Variants in SPRYD4 observed in about 807,000 individuals in gnomAD.
SPRYD4 encodes the protein SPRY domain containing 4.
A neutral mutation model predicts 16.6 loss-of-function variants in SPRYD4; 12 were observed. That is an observed-to-expected ratio of 0.72 (90% confidence interval 0.46 to 1.17). The LOEUF is 1.17. Among genes scored for constraint, SPRYD4 ranks in the 50% most tolerant of loss-of-function variants. SPRYD4 has a pLI of 0.00. For synonymous variants in SPRYD4, 98 were observed against 105.4 expected (o/e 0.93, Z 0.43); for missense variants, 260 against 260.2 (o/e 1.00, Z 0.00).
Position 56,473,777 on chromosome 12 carries a change from T to C in SPRYD4, c.*4200T>C, listed in dbSNP as rs1869527350. The C allele has an allele frequency of 1.5e-6, 1 of 670,284 alleles. No individual in the cohort carries two copies. The highest frequency in any genetic ancestry group is 1.8e-5 in the African/African-American group (1 of 54,620). 41.5% of individuals were successfully genotyped at this position (670,284 alleles called of 1,614,324 possible). A position where few individuals can be genotyped will look rare whatever the true frequency, so the allele number is the denominator to read the frequency against. On this transcript the variant is annotated 3_prime_UTR_variant, in exon 2 of 2. Coordinates refer to ENST00000338146, the MANE Select transcript of SPRYD4 (RefSeq NM_207344.4). ...CCTTTCCTTCCCTTAAATTCATTGA[T>C]TCAGCTAGAAAATATTTTTTGAAAT... is the stretch of plus-strand genomic sequence containing the variant.
chr12:56,472,962 T>C lies in SPRYD4; in HGVS notation c.*3385T>C, dbSNP rs1334810317. ...AAGTGTAGTGGCGCGCGGTCTTGGC[T>C]CACTGCAACCTCTGCCTCCCGGTTT... is the stretch of plus-strand genomic sequence containing the variant. On this transcript the variant is annotated 3_prime_UTR_variant, in exon 2 of 2. Coordinates refer to ENST00000338146, the MANE Select transcript of SPRYD4 (RefSeq NM_207344.4). 1 of 576,454 alleles carries C rather than the reference T, an allele frequency of 1.7e-6. No homozygotes were observed. Among genetic ancestry groups the C allele is most frequent in the Non-Finnish European group, 3.0e-6 (1 of 330,530 alleles). 35.7% of individuals were successfully genotyped at this position (576,454 alleles called of 1,614,324 possible).
In SPRYD4 at chr12:56,472,052, G is replaced by C; in HGVS notation, c.*2475G>C. On this transcript the variant is annotated 3_prime_UTR_variant, in exon 2 of 2. Coordinates refer to ENST00000338146, the MANE Select transcript of SPRYD4 (RefSeq NM_207344.4). ...AACCTTGAGGGCACATATAATGAAG[G>C]TACTTTTGGTGAAAAAGAAAGGGTC... is the stretch of plus-strand genomic sequence containing the variant. 1 of 1,536,252 alleles carries C rather than the reference G, an allele frequency of 6.5e-7. No individual in the cohort carries two copies. The highest frequency in any genetic ancestry group is 9.0e-7 in the Non-Finnish European group (1 of 1,113,538).
rs1279604425 is a variant in SPRYD4, at chr12:56,476,150, CCT to C, written c.*6578_*6579del. 1.4e-5 allele frequency: 8 copies of C among 592,250 alleles called. No individual in the cohort carries two copies. Among genetic ancestry groups the C allele is most frequent in the Non-Finnish European group, 1.8e-5 (6 of 341,112 alleles). 36.7% of individuals were successfully genotyped at this position (592,250 alleles called of 1,614,324 possible). A position where few individuals can be genotyped will look rare whatever the true frequency, so the allele number is the denominator to read the frequency against. On this transcript the variant is annotated 3_prime_UTR_variant, in exon 2 of 2. Coordinates refer to ENST00000338146, the MANE Select transcript of SPRYD4 (RefSeq NM_207344.4). Reference sequence around the variant, plus strand: ...TGAAAACACCGCACTTCCATTGGCTCCTCTCTTTCTCTTTCTTTTTTTTGAGA... The same window carrying C: ...TGAAAACACCGCACTTCCATTGGCTCCTCTTTCTCTTTCTTTTTTTTGAGA...
rs1002486141 is a variant in SPRYD4 at position 56,473,853 on chromosome 12, C to T, written c.*4276C>T. The T allele has an allele frequency of 3.8e-5, 15 of 397,654 alleles. No individual in the cohort carries two copies. Among genetic ancestry groups the T allele is most frequent in the Admixed American group, 8.2e-5 (2 of 24,270 alleles). 24.6% of individuals were successfully genotyped at this position (397,654 alleles called of 1,614,324 possible). On this transcript the variant is annotated 3_prime_UTR_variant, in exon 2 of 2. Coordinates refer to ENST00000338146, the MANE Select transcript of SPRYD4 (RefSeq NM_207344.4). ...TGTGCTAGAACTAGGAACTTCCATT[C>T]TGGTGTTAGGAGATAGGTAATAAAC...
In SPRYD4 at chr12:56,473,710, C is replaced by T; in HGVS notation, c.*4133C>T. The T allele has an allele frequency of 7.6e-7, 1 of 1,313,768 alleles. No homozygotes were observed. Among genetic ancestry groups the T allele is most frequent in the Non-Finnish European group, 1.0e-6 (1 of 983,360 alleles). The allele number at this position is 1,313,768 out of a possible 1,614,324, so 81.4% of individuals were successfully genotyped here. On this transcript the variant is annotated 3_prime_UTR_variant, in exon 2 of 2. Coordinates refer to ENST00000338146, the MANE Select transcript of SPRYD4 (RefSeq NM_207344.4). Reference sequence around the variant, plus strand: ...ATGACTGCATGACCACAATCCACCTCAACCTTTTGGCTTGTTAATTAGCTT... The same window carrying T: ...ATGACTGCATGACCACAATCCACCTTAACCTTTTGGCTTGTTAATTAGCTT...
At position 56,474,606 on chromosome 12, in the gene SPRYD4, T is replaced by C; in HGVS notation, c.*5029T>C. Reference sequence around the variant, plus strand: ...CAGGAATGCATGAGGCTGAGGGTGTTGCGCACTGCTTCAGCACTCAGCACA... The same window carrying C: ...CAGGAATGCATGAGGCTGAGGGTGTCGCGCACTGCTTCAGCACTCAGCACA... On this transcript the variant is annotated 3_prime_UTR_variant, in exon 2 of 2. Coordinates refer to ENST00000338146, the MANE Select transcript of SPRYD4 (RefSeq NM_207344.4). 1 of 1,614,208 alleles carries C rather than the reference T, an allele frequency of 6.2e-7. No individual in the cohort carries two copies. The highest frequency in any genetic ancestry group is 8.5e-7 in the Non-Finnish European group (1 of 1,180,054).
At position 56,471,882 on chromosome 12, in the gene SPRYD4, C is replaced by T; in HGVS notation, c.*2305C>T. ...AAAATGAGAAGGCGCAGGTCTTGAA[C>T]CCTTTGGTGCAGACACTTAGCCACT... is the stretch of plus-strand genomic sequence containing the variant. On this transcript the variant is annotated 3_prime_UTR_variant, in exon 2 of 2. Transcript: ENST00000338146. 1 of 1,588,824 alleles carries T rather than the reference C, an allele frequency of 6.3e-7. No homozygotes were observed. The highest frequency in any genetic ancestry group is 8.6e-7 in the Non-Finnish European group (1 of 1,158,404).
Position 56,475,990 on chromosome 12 carries a change from A to G in SPRYD4, c.*6413A>G. 1 of 1,612,308 alleles carries G rather than the reference A, an allele frequency of 6.2e-7. No homozygotes were observed. Among genetic ancestry groups the G allele is most frequent in the Non-Finnish European group, 8.5e-7 (1 of 1,179,772 alleles). On this transcript the variant is annotated 3_prime_UTR_variant, in exon 2 of 2. Transcript: ENST00000338146. Reference sequence around the variant, plus strand: ...TGTTACAGTCCATCTGCAGAGAAAGAGAGAGATGTCAGCATTCTAAGTGTA... The same window carrying G: ...TGTTACAGTCCATCTGCAGAGAAAGGGAGAGATGTCAGCATTCTAAGTGTA...
chr12:56,474,389 G>A lies in SPRYD4; in HGVS notation c.*4812G>A. 3 of 868,920 alleles carry A rather than the reference G, an allele frequency of 3.5e-6. No homozygotes were observed. The highest frequency in any genetic ancestry group is 5.2e-6 in the Non-Finnish European group (3 of 577,188). The allele number at this position is 868,920 out of a possible 1,614,324, so 53.8% of individuals were successfully genotyped here. ...TATATTCGAGGAACTTGGTGTTTTT[G>A]AGAAACTCGTCTAAGGAGTCTCAAC... On this transcript the variant is annotated 3_prime_UTR_variant, in exon 2 of 2. Coordinates refer to ENST00000338146, the MANE Select transcript of SPRYD4 (RefSeq NM_207344.4).
In SPRYD4 at chr12:56,473,737, T is replaced by C. The variant is rs1869524197; in HGVS notation, c.*4160T>C. The stretch of plus-strand genomic sequence containing the variant: ...ACCTTTTGGCTTGTTAATTAGCTTC[T>C]TTTATTACTCCTGTCCTTTCCTTCC... On this transcript the variant is annotated 3_prime_UTR_variant, in exon 2 of 2. Coordinates refer to ENST00000338146, the MANE Select transcript of SPRYD4 (RefSeq NM_207344.4). 1.0e-6 allele frequency: 1 copy of C among 960,384 alleles called. No homozygotes were observed. The highest frequency in any genetic ancestry group is 1.7e-5 in the African/African-American group (1 of 60,296). The allele number at this position is 960,384 out of a possible 1,614,324, so 59.5% of individuals were successfully genotyped here.
At position 56,473,559 on chromosome 12, in the gene SPRYD4, G is replaced by A. The variant is rs1339256664; in HGVS notation, c.*3982G>A. ...TGACATTGGGTACCACCAGGAGGAT[G>A]GCTCCTGATACAGCTGACTTGGCTG... On this transcript the variant is annotated 3_prime_UTR_variant, in exon 2 of 2. Transcript: ENST00000338146. 1.2e-6 allele frequency: 2 copies of A among 1,612,962 alleles called. No homozygotes were observed. The highest frequency in any genetic ancestry group is 1.1e-5 in the South Asian group (1 of 91,012).
At position 56,468,629 on chromosome 12, in the gene SPRYD4, G is replaced by C. The variant is rs142431089; in HGVS notation, c.38G>C (p.Arg13Pro). Residue 13 changes from arginine to proline, a missense_variant, in exon 1 of 2, where the codon CGC (arginine) becomes CCC (proline). Coordinates refer to ENST00000338146, the MANE Select transcript of SPRYD4 (RefSeq NM_207344.4). Reference sequence around the variant, plus strand: ...TTTGCACGTTCTTTGCGCTTGTGCCGCTGGGGAGCCAAACGATTGGGAGTT... The same window carrying C: ...TTTGCACGTTCTTTGCGCTTGTGCCCCTGGGGAGCCAAACGATTGGGAGTT... ...LLFARSLRLC[R>P]WGAKRLGVAS... The C allele has an allele frequency of 7.4e-6, 12 of 1,613,840 alleles. No individual in the cohort carries two copies. Among genetic ancestry groups the C allele is most frequent in the African/African-American group, 1.3e-5 (1 of 74,928 alleles).
chr12:56,469,033 C>A lies in SPRYD4; in HGVS notation c.86-6C>A. On this transcript the variant is annotated splice_polypyrimidine_tract_variant and splice_region_variant and intron_variant, in intron 1 of 1. Coordinates refer to ENST00000338146, the MANE Select transcript of SPRYD4 (RefSeq NM_207344.4). ...TTATTATCCCGTCTTTTTGCTCTGC[C>A]CGCAGGCGTCAGTTTCAAACTGGAA... The A allele has an allele frequency of 6.4e-7, 1 of 1,551,538 alleles. No individual in the cohort carries two copies. The highest frequency in any genetic ancestry group is 8.7e-7 in the Non-Finnish European group (1 of 1,149,300).
Position 56,478,849 on chromosome 12 carries a change from C to T in SPRYD4, c.*9272C>T, listed in dbSNP as rs558161417. 141 of 553,098 alleles carry T rather than the reference C, an allele frequency of 2.5e-4. No individual in the cohort carries two copies. Among genetic ancestry groups the T allele is most frequent in the African/African-American group, 1.9e-3 (101 of 52,052 alleles). The allele number at this position is 553,098 out of a possible 1,614,324, so 34.3% of individuals were successfully genotyped here. ...CTCTACTAAAAATACAAAAATTAGT[C>T]GGGCATGGTGGTGTATGCCAGCTAC... On this transcript the variant is annotated 3_prime_UTR_variant, in exon 2 of 2. Transcript: ENST00000338146.
chr12:56,472,274 C>T lies in SPRYD4; in HGVS notation c.*2697C>T. The T allele has an allele frequency of 2.3e-6, 3 of 1,314,062 alleles. No individual in the cohort carries two copies. The highest frequency in any genetic ancestry group is 1.2e-5 in the South Asian group (1 of 83,548). 81.4% of individuals were successfully genotyped at this position (1,314,062 alleles called of 1,614,324 possible). On this transcript the variant is annotated 3_prime_UTR_variant, in exon 2 of 2. Coordinates refer to ENST00000338146, the MANE Select transcript of SPRYD4 (RefSeq NM_207344.4). ...GTGTTCTTTGTGAACTGGTGTCAGA[C>T]TGGATGAGTTTCAGAGAAAGTGAAA...
Position 56,475,939 on chromosome 12 carries a change from A to C in SPRYD4, c.*6362A>C. ...CAGCCAGGGGCTAAGTAGCAAGGGA[A>C]CTTACAAAATCAAACTTCTCTGCTT... On this transcript the variant is annotated 3_prime_UTR_variant, in exon 2 of 2. Transcript: ENST00000338146. The C allele has an allele frequency of 6.2e-7, 1 of 1,613,838 alleles. No individual in the cohort carries two copies.
chr12:56,479,641 T>C lies in SPRYD4; in HGVS notation c.*10064T>C. 3 of 1,010,754 alleles carry C rather than the reference T, an allele frequency of 3.0e-6. No homozygotes were observed. The highest frequency in any genetic ancestry group is 1.4e-6 in the Non-Finnish European group (1 of 733,596). 62.6% of individuals were successfully genotyped at this position (1,010,754 alleles called of 1,614,324 possible). A position where few individuals can be genotyped will look rare whatever the true frequency, so the allele number is the denominator to read the frequency against. On this transcript the variant is annotated 3_prime_UTR_variant, in exon 2 of 2. Coordinates refer to ENST00000338146, the MANE Select transcript of SPRYD4 (RefSeq NM_207344.4). Reference sequence around the variant, plus strand: ...TTGTTTGAACTCTTATGATGAGTATTCATGTATAACTTATGTAATAAGTAA... The same window carrying C: ...TTGTTTGAACTCTTATGATGAGTATCCATGTATAACTTATGTAATAAGTAA...
In SPRYD4 at chr12:56,471,439, T is replaced by C. The variant is rs779027196; in HGVS notation, c.*1862T>C. On this transcript the variant is annotated 3_prime_UTR_variant, in exon 2 of 2. Transcript: ENST00000338146. ...TTTTGGTGGTTATGGATTACATGTG[T>C]GGCCAGCTCATGCTTTTTCTTGAGC... 3.8e-6 allele frequency: 6 copies of C among 1,563,286 alleles called. No individual in the cohort carries two copies. In the Middle Eastern group the frequency reaches 9.4e-4, roughly 245 times the overall value.
intron 1 of SPRYD4, 116 bp downstream of exon 1, chr12:56,468,792 T>A (rs1209447032): frequency 4.9e-6 from 6 of 1,221,048 alleles, no homozygotes; most frequent in Non-Finnish European, 7.0e-6. Context: ...CCCACCTGCC[T>A]TGGTCTTAAG....
Sources: gnomAD v4.1 joint callset for allele counts on GRCh38, gnomAD v4.1.1 for gene constraint, MANE v1.5 for transcripts, NCBI Gene and HGNC (gene_info 2026-07-23, HGNC 2026-07-21) for gene names.